Variants in HERC2 observed in about 807,000 individuals in gnomAD.
The protein encoded by HERC2 is HECT and RLD domain containing E3 ubiquitin protein ligase 2.
A neutral mutation model predicts 537.7 loss-of-function variants in HERC2; 102 were observed. That is an observed-to-expected ratio of 0.19 (90% CI 0.16 to 0.22). HERC2 has a LOEUF of 0.22. Ranked by LOEUF, HERC2 falls within the 10% of genes least tolerant of loss-of-function variation. The probability of loss-of-function intolerance (pLI) is 1.00; values close to 1 mark genes in which losing one functional copy is unlikely to be tolerated. For missense variants in HERC2, 4,236 were observed against 6,198.2 expected (o/e 0.68, Z 10.63); for synonymous variants, 2,224 against 2,466.2 (o/e 0.90, Z 2.91).
At chr15:28,252,654 C>T (rs959031873) in intron 20 of HERC2, among the ~76,000 whole-genome samples, 1 of 152,078 alleles carries the variant, frequency 6.6e-6, no homozygotes, top group African/African-American at 2.4e-5. Flanking sequence ...AGAACAAATT[C>T]CAAGCTCTTT....
At chr15:28,315,577 G>C (rs1156688729) in intron 2 of HERC2, 1 of 458,002 alleles carries the variant, frequency 2.2e-6, no homozygotes, top group Admixed American at 2.6e-5. Flanking sequence ...GGTGGATCAC[G>C]AGCTCAGGAG....
chr15:28,222,762 G>A (rs1259117203), intron 35 of HERC2, among the ~76,000 whole-genome samples: 1 of 152,134 alleles, frequency 6.6e-6, no homozygotes, highest in Non-Finnish European at 1.5e-5. Context: ...AAACAATGTG[G>A]TCTGTGCTGA....
intron 5 of HERC2, among the ~76,000 whole-genome samples, chr15:28,276,281 C>T (rs567927034): frequency 5.3e-5 from 8 of 150,914 alleles, no homozygotes; most frequent in South Asian, 2.1e-4. Flanking sequence ...ATGAAGAACA[C>T]GGCTGGCCAG....
At chr15:28,142,595 G>C (rs1172325476) in intron 75 of HERC2, 1 of 628,722 alleles carries the variant, frequency 1.6e-6, no homozygotes, top group Non-Finnish European at 2.8e-6. Flanking sequence ...CTTGTTGCCT[G>C]CATCAAGTGA....
At chr15:28,200,209 A>C (rs914373811) in intron 48 of HERC2, among the ~76,000 whole-genome samples, 4 of 152,128 alleles carry the variant, frequency 2.6e-5, no homozygotes, top group African/African-American at 4.8e-5. Flanking sequence ...CCAGCCTGAC[A>C]AAAATGAAGA....
At chr15:28,276,203 A>C (rs1289859426) in intron 5 of HERC2, among the ~76,000 whole-genome samples, 3 of 150,864 alleles carry the variant, frequency 2.0e-5, no homozygotes, top group Admixed American at 1.3e-4. Context: ...AAAAAAAAAA[A>C]AAAAAAAAAA....
intron 5 of HERC2, among the ~76,000 whole-genome samples, chr15:28,277,859 C>T (rs1430725426): frequency 1.3e-5 from 2 of 152,118 alleles, no homozygotes; most frequent in African/African-American, 4.8e-5. Context: ...TGGTACCAGG[C>T]TTGCCCCACC....
intron 89 of HERC2, chr15:28,115,148 C>T (rs976032263): frequency 2.3e-5 from 12 of 518,128 alleles, no homozygotes; most frequent in Non-Finnish European, 3.8e-5. Context: ...CCCGTGCAAG[C>T]CTGACTCACG....
intron 55 of HERC2, among the ~76,000 whole-genome samples, chr15:28,187,833 T>C (rs1361537156): frequency 6.6e-6 from 1 of 152,172 alleles, no homozygotes. Context: ...TTAGTGGAGT[T>C]GGTCTACTTG....
intron 23 of HERC2, among the ~76,000 whole-genome samples, chr15:28,244,240 A>G (rs1288146947): frequency 1.3e-5 from 2 of 152,240 alleles, no homozygotes; most frequent in Non-Finnish European, 2.9e-5. Context: ...TAGAATGAAT[A>G]GGTTGTTGTA....
chr15:28,271,964 T>C (rs2075742042), intron 9 of HERC2: 1 of 512,656 alleles, frequency 2.0e-6, no homozygotes, highest in African/African-American at 1.9e-5. Context: ...TCGTTGTTCT[T>C]TTCTGGTATT....
chr15:28,318,716 T>A (rs1177314549), intron 2 of HERC2, among the ~76,000 whole-genome samples: 2 of 152,204 alleles, frequency 1.3e-5, no homozygotes, highest in Non-Finnish European at 2.9e-5. Flanking sequence ...TAGAGGTTGC[T>A]GGATGTAGGG....
intron 2 of HERC2, among the ~76,000 whole-genome samples, chr15:28,310,771 G>C (rs1333235113): frequency 1.3e-5 from 2 of 152,096 alleles, no homozygotes. Context: ...CAGAAACAGA[G>C]AAGGTGAACT....
chr15:28,300,117 G>A (rs2881147), intron 2 of HERC2, among the ~76,000 whole-genome samples: 11 of 151,328 alleles, frequency 7.3e-5, no homozygotes, highest in Middle Eastern at 3.4e-3. Flanking sequence ...ACACGTGCAT[G>A]TGCTCTGAAA....
In HERC2 at chr15:28,257,043, A is replaced by G. The variant is rs1567080538; in HGVS notation, c.2517+18T>C. ...AGACACTTACAAAAGGAGGAAGAAG[A>G]AGGGAAATCATGAATACCTGAAGTC... is the stretch of plus-strand genomic sequence containing the variant. On this transcript the variant is annotated intron_variant, in intron 17 of 92. Coordinates refer to ENST00000261609, the MANE Select transcript of HERC2 (RefSeq NM_004667.6). 2.5e-6 allele frequency: 4 copies of G among 1,602,860 alleles called. No homozygotes were observed. The highest frequency in any genetic ancestry group is 2.2e-5 in the South Asian group (2 of 90,710).
chr15:28,239,550 A>G (rs1268433773), intron 23 of HERC2, among the ~76,000 whole-genome samples: 1 of 146,712 alleles, frequency 6.8e-6, no homozygotes, highest in African/African-American at 2.6e-5. Flanking sequence ...TATAGAGGAT[A>G]CGCAACACAT....
chr15:28,256,744 G>A (rs1166214516), intron 17 of HERC2, among the ~76,000 whole-genome samples: 8 of 152,158 alleles, frequency 5.3e-5, no homozygotes, highest in Admixed American at 1.3e-4. Context: ...ACAGGCGCCC[G>A]CCACCACAAC....
chr15:28,143,044 G>A, intron 74 of HERC2, 92 bp from the exon 75 acceptor site: 5 of 1,223,234 alleles, frequency 4.1e-6, no homozygotes, highest in South Asian at 3.2e-5. Context: ...TTATTATGTT[G>A]GTACTAACTC....
Position 28,176,524 on chromosome 15 carries a change from T to C in HERC2, c.9590A>G (p.Gln3197Arg), listed in dbSNP as rs1267434359. The C allele has an allele frequency of 6.2e-7, 1 of 1,614,210 alleles. No individual in the cohort carries two copies. Among genetic ancestry groups the C allele is most frequent in the Non-Finnish European group, 8.5e-7 (1 of 1,180,020 alleles). Residue 3197 changes from glutamine to arginine, a missense_variant, in exon 63 of 93, where the codon CAG becomes CGG. By Grantham distance (43) the Gln-to-Arg change is conservative (BLOSUM62 1). Coordinates refer to ENST00000261609, the MANE Select transcript of HERC2 (RefSeq NM_004667.6). The surrounding 1 kb of genome is among the most constrained non-coding windows in gnomAD (Gnocchi z 5.0). ...CTGTCCATTTAGTCTCTCAATGTTC[T>C]GGGGAATGTTACAGCCTTCACTTCC... ...RGGSEGCNIP[Q>R]NIERLNGQGV... is the part of the protein sequence containing the mutation.
Sources: allele counts gnomAD v4.1 joint callset (sites outside exome capture counted in the v4.1 genomes callset), GRCh38; gene constraint gnomAD v4.1.1; non-coding constraint Gnocchi (gnomAD v3.1); transcripts MANE v1.5; gene names NCBI Gene and HGNC (gene_info 2026-07-23, HGNC 2026-07-21).